Variants in ZNF138 observed in about 807,000 individuals in gnomAD.
ZNF138 encodes the protein zinc finger protein 138 (clone pHZ-32).
Under a neutral mutation model 33.0 loss-of-function variants are expected in ZNF138, and 33 were observed. The observed-to-expected ratio is 1.00, with a 90% confidence interval of 0.76 to 1.34. ZNF138 has a LOEUF of 1.34. Among genes scored for constraint, ZNF138 ranks in the 40% most tolerant of loss-of-function variants. The pLI is 0.00. For missense variants in ZNF138, 360 were observed against 370.8 expected, an observed-to-expected ratio of 0.97 and a Z score of 0.24; for synonymous variants, 139 against 120.4, an observed-to-expected ratio of 1.15 and a Z score of -1.01.
chr7:64,849,098 A>G, the ZNF138 span, among the ~76,000 whole-genome samples: 3 of 152,194 alleles, frequency 2.0e-5, no homozygotes, highest in African/African-American at 4.8e-5. Context: ...GGGAGTGTCT[A>G]AGTGTCAACA....
At chr7:64,813,527 G>A (rs1032677737) in intron 1 of ZNF138, among the ~76,000 whole-genome samples, 21 of 151,542 alleles carry the variant, frequency 1.4e-4, no homozygotes, top group Admixed American at 9.2e-4. Flanking sequence ...TCTGCCTCCC[G>A]GGTTGACGCC....
Position 64,832,774 on chromosome 7 carries a change from GT to G in ZNF138, c.*576del. The G allele has an allele frequency of 2.2e-6, 1 of 448,606 alleles. No homozygotes were observed. Among genetic ancestry groups the G allele is most frequent in the South Asian group, 1.8e-5 (1 of 57,060 alleles). 27.8% of individuals were successfully genotyped at this position (448,606 alleles called of 1,614,324 possible). A position where few individuals can be genotyped will look rare whatever the true frequency, so the allele number is the denominator to read the frequency against. ...TACAAATGTGAGGAATGTGGCAAAG[GT>G]TTTAGCCAACTCTCAAACCTTACTA... On this transcript the variant is annotated 3_prime_UTR_variant, in exon 4 of 4. Transcript: ENST00000307355.
the ZNF138 span, among the ~76,000 whole-genome samples, chr7:64,843,465 A>G: frequency 6.6e-6 from 1 of 152,182 alleles, no homozygotes; most frequent in Admixed American, 6.5e-5. Flanking sequence ...TGACTAACAC[A>G]TTTTTAAAAT....
intron 3 of ZNF138, among the ~76,000 whole-genome samples, chr7:64,827,870 T>A (rs1789766794): frequency 6.6e-6 from 1 of 152,184 alleles, no homozygotes; most frequent in Admixed American, 6.5e-5. Flanking sequence ...TCAGTTGTAT[T>A]TTGATGTTTA....
intron 1 of ZNF138, among the ~76,000 whole-genome samples, chr7:64,810,385 G>A (rs1369345212): frequency 3.0e-5 from 4 of 133,434 alleles, no homozygotes; most frequent in Non-Finnish European, 6.4e-5. Flanking sequence ...GCAGTGAGCC[G>A]AGATGGCAGC....
Position 64,831,639 on chromosome 7 carries a change from A to T in ZNF138, c.397A>T (p.Ile133Phe), listed in dbSNP as rs1452610442. The T allele has an allele frequency of 1.2e-5, 20 of 1,608,814 alleles. No individual in the cohort carries two copies. Among genetic ancestry groups the T allele is most frequent in the Non-Finnish European group, 1.7e-5 (20 of 1,178,084 alleles). Reference sequence around the variant, plus strand: ...TAATGGACTTAACCAATGTTTGAAAATTACCACAAGCAAAATATTTCAATG... The same window carrying T: ...TAATGGACTTAACCAATGTTTGAAATTTACCACAAGCAAAATATTTCAATG... ...GFNGLNQCLK[I>F]TTSKIFQCNK... is the part of the protein sequence containing the mutation. The change falls in exon 4 of 4, where the codon ATT becomes TTT. Residue 133 changes from isoleucine (I) to phenylalanine (F), a missense_variant. Physicochemically the swap from Ile to Phe is conservative, Grantham distance 21. Coordinates refer to ENST00000307355, the MANE Select transcript of ZNF138 (RefSeq NM_001271639.2).
intron 1 of ZNF138, among the ~76,000 whole-genome samples, chr7:64,802,589 A>G (rs1335261952): frequency 2.0e-5 from 3 of 152,110 alleles, no homozygotes; most frequent in Non-Finnish European, 4.4e-5. Context: ...CACGATCTAT[A>G]GGGTCAAATA....
chr7:64,817,933 C>T (rs558564843), intron 3 of ZNF138, among the ~76,000 whole-genome samples: 67 of 151,488 alleles, frequency 4.4e-4, no homozygotes, highest in Non-Finnish European at 7.5e-4. Flanking sequence ...AGAGGAATTA[C>T]AGGATTTTCA....
At chr7:64,840,273 C>T in the ZNF138 span, among the ~76,000 whole-genome samples, 1 of 152,078 alleles carries the variant, frequency 6.6e-6, no homozygotes, top group Non-Finnish European at 1.5e-5. Context: ...CCTATCCTAC[C>T]TTACTCAAGG....
At chr7:64,810,421 T>C (rs1253874475) in intron 1 of ZNF138, among the ~76,000 whole-genome samples, 2 of 37,958 alleles carry the variant, frequency 5.3e-5, no homozygotes, top group South Asian at 1.3e-3. Flanking sequence ...CGGCTCAGCA[T>C]GAGAGGGAGA....
At chr7:64,821,803 C>A (rs1327263405) in intron 3 of ZNF138, among the ~76,000 whole-genome samples, 3 of 151,484 alleles carry the variant, frequency 2.0e-5, no homozygotes, top group Non-Finnish European at 4.4e-5. Context: ...CCTTGGCCTC[C>A]CAAAGTGTTG....
chr7:64,795,456 T>A (rs1786608058), intron 1 of ZNF138, among the ~76,000 whole-genome samples: 1 of 152,218 alleles, frequency 6.6e-6, no homozygotes, highest in Non-Finnish European at 1.5e-5. Context: ...ATACTAAATT[T>A]CCAGTTCCTT....
Position 64,808,918 on chromosome 7 carries a change from C to T in ZNF138, c.4-6000C>T, listed in dbSNP as rs1279151075. Among the ~76,000 whole-genome samples, 43 of 141,258 alleles carry T rather than the reference C, an allele frequency of 3.0e-4. No individual in the cohort carries two copies. The East Asian group carries it at 8.7e-3, about 28-fold the overall frequency. The allele number at this position is 141,258 out of a possible 152,430, so 92.7% of individuals were successfully genotyped here. On this transcript the variant is annotated intron_variant, in intron 1 of 3. Coordinates refer to ENST00000307355, the MANE Select transcript of ZNF138 (RefSeq NM_001271639.2). The stretch of plus-strand genomic sequence containing the variant: ...GGTTGGGGGTAAGGTCACAGATCAA[C>T]AGGATCCCAAGGCAGAAGAATTTTT...
At chr7:64,848,824 C>T in the ZNF138 span, among the ~76,000 whole-genome samples, 2 of 151,576 alleles carry the variant, frequency 1.3e-5, no homozygotes, top group East Asian at 3.9e-4. Context: ...CCTGCCTCAG[C>T]CTCCTGAGTA....
Position 64,815,649 on chromosome 7 carries a change from T to C in ZNF138, c.204T>C (p.His68=). 6.2e-7 allele frequency: 1 copy of C among 1,610,910 alleles called. No individual in the cohort carries two copies. The highest frequency in any genetic ancestry group is 8.5e-7 in the Non-Finnish European group (1 of 1,178,498). ...MKRHEMVVAK[H]SALCSRFAQD... is the part of the protein sequence containing the mutation. ...GACATGAGATGGTGGTAGCCAAACA[T>C]TCAGGTAGGTGAGAGTGAATACACA... The change falls in exon 3 of 4, where the codon CAT becomes CAC. Residue 68 remains histidine (H), a synonymous_variant. Coordinates refer to ENST00000307355, the MANE Select transcript of ZNF138 (RefSeq NM_001271639.2).
the ZNF138 span, chr7:64,853,058 C>A: frequency 6.9e-7 from 1 of 1,455,468 alleles, no homozygotes; most frequent in South Asian, 1.1e-5. Context: ...ACATGCTATC[C>A]TGCCTGTCAC....
downstream of ZNF138, among the ~76,000 whole-genome samples, chr7:64,835,080 C>T (rs191826365): frequency 2.0e-5 from 3 of 152,058 alleles, no homozygotes; most frequent in East Asian, 1.9e-4. Context: ...AGGGTAGGGG[C>T]GGGGTCGGTT....
rs1790194042 is a variant in ZNF138, at chr7:64,832,713, A to G, written c.*511A>G. 2.3e-6 allele frequency: 1 copy of G among 436,896 alleles called. No homozygotes were observed. The highest frequency in any genetic ancestry group is 4.6e-6 in the Non-Finnish European group (1 of 217,848). The allele number at this position is 436,896 out of a possible 1,614,324, so 27.1% of individuals were successfully genotyped here. A position where few individuals can be genotyped will look rare whatever the true frequency, so the allele number is the denominator to read the frequency against. Reference sequence around the variant, plus strand: ...GGTCTTTAAGAAGTCCTCAACTCTTACTGCACATAAGATCATTCATACTGG... The same window carrying G: ...GGTCTTTAAGAAGTCCTCAACTCTTGCTGCACATAAGATCATTCATACTGG... On this transcript the variant is annotated 3_prime_UTR_variant, in exon 4 of 4. Transcript: ENST00000307355.
chr7:64,801,097 T>C (rs1787104581), intron 1 of ZNF138, among the ~76,000 whole-genome samples: 1 of 152,146 alleles, frequency 6.6e-6, no homozygotes, highest in Non-Finnish European at 1.5e-5. Context: ...ATTTAGCTTA[T>C]TAATTTTTTT....
Sources: gnomAD v4.1 joint callset for allele counts (sites outside exome capture counted in the v4.1 genomes callset) on GRCh38, gnomAD v4.1.1 for gene constraint, MANE v1.5 for transcripts, NCBI Gene and HGNC (gene_info 2026-07-23, HGNC 2026-07-21) for gene names.